GRM5: variants seen among roughly 807,000 people sequenced by gnomAD.
The protein encoded by GRM5 is metabotropic glutamate receptor 5.
GRM5 carries 19 observed loss-of-function variants against 83.1 expected under a neutral mutation model. The ratio of observed to expected loss-of-function variants is 0.23; its 90% CI spans 0.16 to 0.34. The LOEUF (loss-of-function observed/expected upper bound fraction) is 0.34. Ranked by LOEUF, GRM5 falls within the 10% of genes least tolerant of loss-of-function variation. The pLI, the probability that GRM5 is intolerant of heterozygous loss-of-function variation, is 1.00. For synonymous variants in GRM5, 675 were observed against 633.6 expected (o/e 1.07, Z -0.98); for missense variants, 1,160 against 1,588.3 (o/e 0.73, Z 4.58).
chr11:88,532,160 T>C (rs1222195685), intron 8 of GRM5, among the ~76,000 whole-genome samples: 1 of 152,164 alleles, frequency 6.6e-6, no homozygotes, highest in East Asian at 1.9e-4. Flanking sequence ...GAATGGACAC[T>C]AATGAGGCAG....
At chr11:88,689,864 G>T (rs538207630) in intron 3 of GRM5, among the ~76,000 whole-genome samples, 1 of 152,228 alleles carries the variant, frequency 6.6e-6, no homozygotes, top group East Asian at 1.9e-4. Flanking sequence ...AGCCAGGGGG[G>T]TATAAACAGG....
chr11:88,750,696 A>C (rs949831298), intron 3 of GRM5, among the ~76,000 whole-genome samples: 1 of 152,166 alleles, frequency 6.6e-6, no homozygotes, highest in African/African-American at 2.4e-5. Context: ...CTCCTCAGTG[A>C]ATGCAAAAGA....
intron 3 of GRM5, among the ~76,000 whole-genome samples, chr11:88,744,027 G>A (rs1942082110): frequency 1.3e-5 from 2 of 152,102 alleles, no homozygotes; most frequent in Non-Finnish European, 2.9e-5. Context: ...ACAGATTTGT[G>A]AAGTTAATGT....
At chr11:88,698,764 C>T (rs958445831) in intron 3 of GRM5, among the ~76,000 whole-genome samples, 1 of 152,120 alleles carries the variant, frequency 6.6e-6, no homozygotes, top group African/African-American at 2.4e-5. Flanking sequence ...TCTTAATGGT[C>T]AAATTTTCAG....
At chr11:88,563,600 T>A (rs371161827) in intron 8 of GRM5, among the ~76,000 whole-genome samples, 1 of 152,298 alleles carries the variant, frequency 6.6e-6, no homozygotes, top group African/African-American at 2.4e-5. Context: ...GCATGGTAGA[T>A]GCTTCTCCAC....
At chr11:88,906,726 A>T (rs1396395085) in intron 2 of GRM5, among the ~76,000 whole-genome samples, 1 of 152,218 alleles carries the variant, frequency 6.6e-6, no homozygotes, top group Admixed American at 6.5e-5. Context: ...AATATGAGCT[A>T]TGTAACCTTG....
chr11:88,869,793 A>T (rs940705941), intron 2 of GRM5, among the ~76,000 whole-genome samples: 1 of 151,558 alleles, frequency 6.6e-6, no homozygotes, highest in African/African-American at 2.4e-5. Context: ...AAGAAATGAA[A>T]AGAGAGAACA....
chr11:88,656,307 A>C (rs1591416770), intron 3 of GRM5, among the ~76,000 whole-genome samples: 1 of 152,014 alleles, frequency 6.6e-6, no homozygotes, highest in East Asian at 1.9e-4. Flanking sequence ...ATTTTGCCCA[A>C]CTCCTCATAA....
intron 2 of GRM5, among the ~76,000 whole-genome samples, chr11:89,021,682 A>G (rs1261946894): frequency 6.6e-6 from 1 of 152,184 alleles, no homozygotes; most frequent in Non-Finnish European, 1.5e-5. Context: ...TAGAGCTAAG[A>G]AATGCAATTT....
rs186823872 is a variant in GRM5 at position 89,023,305 on chromosome 11, C to T, written c.661+23907G>A. ...TGCTTTCCATCTTACACAACATGAC[C>T]CCCAAACACTCTTCTTCTGCTCTCT... On this transcript the variant is annotated intron_variant, in intron 2 of 9. Coordinates refer to ENST00000305447, the MANE Select transcript of GRM5 (RefSeq NM_001143831.3). 1.1e-4 allele frequency among the ~76,000 whole-genome samples: 16 copies of T among 152,108 alleles called. No individual in the cohort carries two copies. The East Asian group carries it at 2.5e-3, about 24-fold the overall frequency.
chr11:88,636,004 A>G (rs1020286463), intron 4 of GRM5, among the ~76,000 whole-genome samples: 1 of 152,216 alleles, frequency 6.6e-6, no homozygotes. Context: ...CATATCTTCT[A>G]TTACAAAAAT....
chr11:88,525,264 A>G (rs1207283274), intron 9 of GRM5, 45 bp downstream of exon 9: 3 of 1,104,998 alleles, frequency 2.7e-6, no homozygotes, highest in Non-Finnish European at 4.2e-6. Flanking sequence ...TCTAGCTTGC[A>G]TACATTTATT....
chr11:88,609,901 A>G (rs953475303), intron 4 of GRM5, among the ~76,000 whole-genome samples: 7 of 152,112 alleles, frequency 4.6e-5, no homozygotes, highest in Non-Finnish European at 1.0e-4. Flanking sequence ...TTTTGAGTTA[A>G]TTTTTGCATA....
intron 4 of GRM5, among the ~76,000 whole-genome samples, chr11:88,619,808 G>A (rs1314737550): frequency 1.3e-5 from 2 of 152,044 alleles, no homozygotes; most frequent in African/African-American, 4.8e-5. Context: ...GTAAGGAAAG[G>A]ATAGTAAAAG....
intron 4 of GRM5, among the ~76,000 whole-genome samples, chr11:88,635,080 G>A (rs1939081572): frequency 6.6e-6 from 1 of 152,122 alleles, no homozygotes; most frequent in Non-Finnish European, 1.5e-5. Flanking sequence ...TTATCCTTTG[G>A]CATTTAGATT....
intron 3 of GRM5, among the ~76,000 whole-genome samples, chr11:88,813,770 C>T (rs1300569621): frequency 2.6e-5 from 4 of 152,174 alleles, no homozygotes; most frequent in South Asian, 4.1e-4. Flanking sequence ...TATAAAGATT[C>T]ATATAAAATG....
rs1279358303 is a variant in GRM5, at chr11:88,505,949, A to G, written c.*2643T>C. 6.6e-6 allele frequency: 1 copy of G among 152,212 alleles called. No individual in the cohort carries two copies. Among genetic ancestry groups the G allele is most frequent in the Non-Finnish European group, 1.5e-5 (1 of 68,014 alleles). 9.4% of individuals were successfully genotyped at this position (152,212 alleles called of 1,614,324 possible). A position where few individuals can be genotyped will look rare whatever the true frequency, so the allele number is the denominator to read the frequency against. ...GAGTTATTACTTGGAACCTGGTATT[A>G]GAATTGGCAAAGAGACAGAGTTAGC... On this transcript the variant is annotated 3_prime_UTR_variant, in exon 10 of 10. Transcript: ENST00000305447.
chr11:88,786,000 T>A (rs1487539613), intron 3 of GRM5, among the ~76,000 whole-genome samples: 3 of 152,118 alleles, frequency 2.0e-5, no homozygotes, highest in Non-Finnish European at 2.9e-5. Flanking sequence ...AATCTGCTAG[T>A]TCAGAACTAC....
chr11:88,657,896 A>G (rs1016587842), intron 3 of GRM5, among the ~76,000 whole-genome samples: 5 of 152,174 alleles, frequency 3.3e-5, no homozygotes, highest in African/African-American at 4.8e-5. Flanking sequence ...TTCACTGCAG[A>G]TGGCCTATAA....
Sources: gnomAD v4.1 joint callset for allele counts (sites outside exome capture counted in the v4.1 genomes callset) on GRCh38, gnomAD v4.1.1 for gene constraint, MANE v1.5 for transcripts, NCBI Gene and HGNC (gene_info 2026-07-23, HGNC 2026-07-21) for gene names.